PCDHA3: variants seen among roughly 807,000 people sequenced by gnomAD.
The protein encoded by PCDHA3 is protocadherin alpha-3.
Under a neutral mutation model 62.2 loss-of-function variants are expected in PCDHA3, and 41 were observed. The ratio of observed to expected loss-of-function variants is 0.66; its 90% CI spans 0.51 to 0.86. The LOEUF (loss-of-function observed/expected upper bound fraction) is 0.86, where lower values mean the gene tolerates loss of function less well. PCDHA3 is among the 40% of genes least tolerant of loss of function. The probability of loss-of-function intolerance (pLI) is 0.00; values close to 1 mark genes in which losing one functional copy is unlikely to be tolerated. For missense variants in PCDHA3, 1,304 were observed against 1,241.2 expected, an observed-to-expected ratio of 1.05 and a Z score of -0.76; for synonymous variants, 640 against 555.4, an observed-to-expected ratio of 1.15 and a Z score of -2.14.
At position 140,870,848 on chromosome 5, in the gene PCDHA3, G is replaced by C. The variant is rs368769297; in HGVS notation, c.2394+67257G>C. The C allele has an allele frequency of 2.2e-5, 35 of 1,613,876 alleles. No homozygotes were observed. In the African/African-American group the frequency reaches 3.3e-4, roughly 15 times the overall value. ...GGCGCAGTTAACAAGCTAGTACCGCGGTCGGTGGGTGCGGGCCACGTGGTG... is the reference window on the plus strand; with the variant it reads ...GGCGCAGTTAACAAGCTAGTACCGCCGTCGGTGGGTGCGGGCCACGTGGTG... On this transcript the variant is annotated intron_variant, in intron 1 of 3. Transcript: ENST00000522353.
At chr5:140,805,455 G>A in intron 1 of PCDHA3, 5 of 1,026,414 alleles carry the variant, frequency 4.9e-6, no homozygotes, top group Non-Finnish European at 5.8e-6. Context: ...GTGTGTTTGT[G>A]TGAGTGTAGT....
intron 1 of PCDHA3, among the ~76,000 whole-genome samples, chr5:140,973,210 C>T (rs112667484): frequency 0.028 from 4,273 of 152,266 alleles, 188 homozygotes; most frequent in African/African-American, 0.096. Flanking sequence ...CATATTCACC[C>T]TAATTCCAGG....
chr5:140,893,110 G>A (rs2063824937), intron 1 of PCDHA3, among the ~76,000 whole-genome samples: 1 of 152,124 alleles, frequency 6.6e-6, no homozygotes, highest in South Asian at 2.1e-4. Context: ...ATATTCCGTT[G>A]TGCATATACA....
At position 140,969,614 on chromosome 5, in the gene PCDHA3, T is replaced by G. The variant is rs56144348; in HGVS notation, c.2395-9335T>G. The G allele has an allele frequency of 1.3e-3, 977 of 725,126 alleles. 8 individuals are homozygous for G. In the African/African-American group the frequency reaches 0.016, roughly 12 times the overall value. 44.9% of individuals were successfully genotyped at this position (725,126 alleles called of 1,614,324 possible). A position where few individuals can be genotyped will look rare whatever the true frequency, so the allele number is the denominator to read the frequency against. ...AATATTTAATGCTAAAACACAGATT[T>G]GTAGAGAAACAGGACAGGCCTTGGA... On this transcript the variant is annotated intron_variant, in intron 1 of 3. Transcript: ENST00000522353.
chr5:140,948,017 T>TTTTCC (rs1351599974), intron 1 of PCDHA3, among the ~76,000 whole-genome samples: 1 of 151,262 alleles, frequency 6.6e-6, no homozygotes, highest in African/African-American at 2.4e-5. Flanking sequence ...GGAAGTACCC[T>TTTTCC]TTCTGGTTTG....
Position 140,802,996 on chromosome 5 carries a change from A to T in PCDHA3, c.1799A>T (p.Asp600Val). 1.2e-6 allele frequency: 2 copies of T among 1,613,960 alleles called. No individual in the cohort carries two copies. The highest frequency in any genetic ancestry group is 1.7e-6 in the Non-Finnish European group (2 of 1,179,910). Residue 600 changes from aspartate to valine, a missense_variant, in exon 1 of 4, where the codon GAC becomes GTC. Transcript: ENST00000522353. ...GCGAAGGTGCGCGCAGTGGATGCAG[A>T]CTCAGGCTACAACGCGTGGCTTTCG... ...VVAKVRAVDA[D>V]SGYNAWLSYE...
At chr5:140,836,649 CA>C (rs1774652282) in intron 1 of PCDHA3, 1 of 1,613,348 alleles carries the variant, frequency 6.2e-7, no homozygotes, top group African/African-American at 1.3e-5. Context: ...GCAGAGGCGG[CA>C]GAGGGTGTGC....
intron 1 of PCDHA3, chr5:140,966,733 C>T: frequency 7.1e-7 from 1 of 1,416,484 alleles, no homozygotes; most frequent in Non-Finnish European, 9.2e-7. Context: ...CCGCCTCCGG[C>T]CCTGCCCGGC....
At chr5:140,842,501 C>T in intron 1 of PCDHA3, 1 of 1,613,826 alleles carries the variant, frequency 6.2e-7, no homozygotes, top group Non-Finnish European at 8.5e-7. Flanking sequence ...GCCCCATGTC[C>T]CCTTCAAGCT....
chr5:140,843,887 A>T, intron 1 of PCDHA3: 2 of 705,148 alleles, frequency 2.8e-6, no homozygotes, highest in Non-Finnish European at 4.7e-6. Context: ...ATAATACAGT[A>T]TTAATCATTC....
chr5:140,839,977 T>C (rs1329730797), intron 1 of PCDHA3, among the ~76,000 whole-genome samples: 1 of 152,062 alleles, frequency 6.6e-6, no homozygotes, highest in Non-Finnish European at 1.5e-5. Context: ...ATGACTCCTA[T>C]TGGAAAGTGG....
intron 1 of PCDHA3, among the ~76,000 whole-genome samples, chr5:140,975,683 G>T (rs1226769029): frequency 6.6e-6 from 1 of 151,934 alleles, no homozygotes; most frequent in Non-Finnish European, 1.5e-5. Context: ...AATAAAATAG[G>T]GTATTTTAAA....
intron 1 of PCDHA3, chr5:140,823,668 C>A (rs2150128127): frequency 6.2e-7 from 1 of 1,614,060 alleles, no homozygotes; most frequent in Non-Finnish European, 8.5e-7. Context: ...GCGAGATCAG[C>A]ACAACACGCT....
intron 1 of PCDHA3, chr5:140,828,525 C>A (rs2150156420): frequency 1.9e-6 from 3 of 1,614,244 alleles, no homozygotes; most frequent in East Asian, 4.5e-5. Context: ...ATTTACGAAT[C>A]TAGGCTGCCA....
In PCDHA3 at chr5:140,940,501, C is replaced by T. The variant is rs542798581; in HGVS notation, c.2395-38448C>T. Among the ~76,000 whole-genome samples, 272 of 152,010 alleles carry T rather than the reference C, an allele frequency of 1.8e-3. 2 individuals are homozygous for T. The highest frequency in any genetic ancestry group is 6.1e-3 in the African/African-American group (254 of 41,464). Reference sequence around the variant, plus strand: ...TTTTTCAAGACAAGTCTTGCTCCGTCGCTCAGGCGTGATCATAGCTCACTG... The same window carrying T: ...TTTTTCAAGACAAGTCTTGCTCCGTTGCTCAGGCGTGATCATAGCTCACTG... On this transcript the variant is annotated intron_variant, in intron 1 of 3. Coordinates refer to ENST00000522353, the MANE Select transcript of PCDHA3 (RefSeq NM_018906.3).
In PCDHA3 at chr5:140,835,824, G is replaced by A. The variant is rs2150245957; in HGVS notation, c.2394+32233G>A. 5 of 1,612,592 alleles carry A rather than the reference G, an allele frequency of 3.1e-6. No individual in the cohort carries two copies. The South Asian group carries it at 4.4e-5, about 14-fold the overall frequency. On this transcript the variant is annotated intron_variant, in intron 1 of 3. Transcript: ENST00000522353. ...CCACATCTTCACTGTGTCGGCGGGG[G>A]ACGCGGACGCGCAGAAGAACGCGCT...
chr5:140,856,705 T>C lies in PCDHA3; in HGVS notation c.2394+53114T>C, dbSNP rs1180012715. 2.5e-6 allele frequency: 4 copies of C among 1,596,614 alleles called. No homozygotes were observed. The African/African-American group carries it at 5.4e-5, about 22-fold the overall frequency. ...TGACAGCAACTGATGGAGGCAAACC[T>C]GAATTTACCGGATCTGTTTCTCTGC... On this transcript the variant is annotated intron_variant, in intron 1 of 3. Transcript: ENST00000522353.
At chr5:140,947,086 CTG>C (rs1554218047) in intron 1 of PCDHA3, among the ~76,000 whole-genome samples, 1 of 151,518 alleles carries the variant, frequency 6.6e-6, no homozygotes, top group African/African-American at 2.4e-5. Context: ...AAACATCAGA[CTG>C]TAGCCCATAA....
chr5:140,885,819 A>G (rs1488283542), intron 1 of PCDHA3, among the ~76,000 whole-genome samples: 1 of 152,032 alleles, frequency 6.6e-6, no homozygotes, highest in Non-Finnish European at 1.5e-5. Flanking sequence ...TTTGTATTTG[A>G]TCTTCTTTGA....
Sources: allele counts gnomAD v4.1 joint callset (sites outside exome capture counted in the v4.1 genomes callset), GRCh38; gene constraint gnomAD v4.1.1; transcripts MANE v1.5; gene names NCBI Gene and HGNC (gene_info 2026-07-23, HGNC 2026-07-21).